Variants in RBM25 observed in about 807,000 individuals in gnomAD.
RBM25 encodes RNA-binding protein 25.
A neutral mutation model predicts 120.7 loss-of-function variants in RBM25; 19 were observed. That is an observed-to-expected ratio of 0.16 (90% confidence interval 0.11 to 0.23). The LOEUF is 0.23. Among genes scored for constraint, RBM25 ranks in the 10% least tolerant of loss-of-function variants. The pLI, the probability that RBM25 is intolerant of heterozygous loss-of-function variation, is 1.00. For synonymous variants in RBM25, 390 were observed against 326.7 expected, an observed-to-expected ratio of 1.19 and a Z score of -2.09; for missense variants, 605 against 1,041.5, an observed-to-expected ratio of 0.58 and a Z score of 5.77.
intron 2 of RBM25, among the ~76,000 whole-genome samples, 179 bp from the exon 3 acceptor site, chr14:73,076,140 A>G (rs562497344): frequency 1.1e-4 from 16 of 152,280 alleles, no homozygotes; most frequent in African/African-American, 3.4e-4. Flanking sequence ...TTGTAAGTTT[A>G]TATGGACCAA....
chr14:73,084,823 T>G (rs1171599904), intron 5 of RBM25, among the ~76,000 whole-genome samples: 1 of 151,952 alleles, frequency 6.6e-6, no homozygotes, highest in Non-Finnish European at 1.5e-5. Flanking sequence ...GTACTGAGAT[T>G]ATAGGCACGA....
intron 9 of RBM25, chr14:73,102,878 A>T (rs1045656807): frequency 1.5e-5 from 4 of 258,148 alleles, no homozygotes; most frequent in African/African-American, 8.9e-5. Context: ...ATTCATAGAA[A>T]ATATTTCGAA....
chr14:73,114,199 A>T (rs1896375322), intron 17 of RBM25, 87 bp from the exon 18 acceptor site: 2 of 930,476 alleles, frequency 2.1e-6, no homozygotes, highest in Non-Finnish European at 3.2e-6. Context: ...TTCCTGTATG[A>T]ATTTGAGGAT....
chr14:73,119,870 TTTTC>T lies in RBM25; in HGVS notation c.*69_*72del. Reference sequence around the variant, plus strand: ...TGCCACCCTTTTAAGGACTTTGAATTTTTCTTTGTCTTTGAAGACATTGTGAGAT... The same window carrying T: ...TGCCACCCTTTTAAGGACTTTGAATTTTTGTCTTTGAAGACATTGTGAGAT... On this transcript the variant is annotated 3_prime_UTR_variant, in exon 19 of 19. Coordinates refer to ENST00000261973, the MANE Select transcript of RBM25 (RefSeq NM_021239.3). 1.3e-6 allele frequency: 2 copies of T among 1,547,460 alleles called. No individual in the cohort carries two copies. The highest frequency in any genetic ancestry group is 1.2e-5 in the South Asian group (1 of 81,468).
At chr14:73,106,384 TTC>T in intron 12 of RBM25, 99 bp downstream of exon 12, 1 of 941,618 alleles carries the variant, frequency 1.1e-6, no homozygotes, top group Non-Finnish European at 1.5e-6. Context: ...ATGCACAAGC[TTC>T]TCTATTCATG....
rs973328112 is a variant in RBM25 at position 73,121,376 on chromosome 14, G to A, written c.*1571G>A. The A allele has an allele frequency of 4.6e-5, 7 of 152,410 alleles. No homozygotes were observed. The highest frequency in any genetic ancestry group is 1.7e-4 in the African/African-American group (7 of 41,378). The allele number at this position is 152,410 out of a possible 1,614,324, so 9.4% of individuals were successfully genotyped here. A position where few individuals can be genotyped will look rare whatever the true frequency, so the allele number is the denominator to read the frequency against. ...AATGGCATCATGTTGTAATTGTGTG[G>A]TGCATACTAGAAAAGTTAAAAATAT... On this transcript the variant is annotated 3_prime_UTR_variant, in exon 19 of 19. Coordinates refer to ENST00000261973, the MANE Select transcript of RBM25 (RefSeq NM_021239.3).
At chr14:73,094,812 TGTG>T (rs1468642193) in intron 6 of RBM25, among the ~76,000 whole-genome samples, 1 of 2,892 alleles carries the variant, frequency 3.5e-4, no homozygotes, top group African/African-American at 1.1e-3. Flanking sequence ...AGGAGCGAGG[TGTG>T]TGTGTGTGTG....
intron 9 of RBM25, 180 bp downstream of exon 9, chr14:73,099,930 C>A (rs916692916): frequency 2.8e-5 from 27 of 975,822 alleles, no homozygotes; most frequent in Non-Finnish European, 3.7e-5. Context: ...TGGTCCTTGA[C>A]ATGTTGTGCT....
At chr14:73,089,761 G>A (rs1448528270) in intron 6 of RBM25, among the ~76,000 whole-genome samples, 2 of 151,288 alleles carry the variant, frequency 1.3e-5, no homozygotes, top group Non-Finnish European at 2.9e-5. Context: ...CCACCTCCCA[G>A]GTTCAAGTGA....
At position 73,071,762 on chromosome 14, in the gene RBM25, A is replaced by G. The variant is rs1895298514; in HGVS notation, c.106+15A>G. ...TGTACCTCCAGGTAAGTTTGTTGAT[A>G]CTGTTTTTTGTCGTTAAACTTGTAC... On this transcript the variant is annotated intron_variant, in intron 2 of 18. Coordinates refer to ENST00000261973, the MANE Select transcript of RBM25 (RefSeq NM_021239.3). 5.1e-6 allele frequency: 8 copies of G among 1,581,354 alleles called. No individual in the cohort carries two copies. The South Asian group carries it at 8.9e-5, about 18-fold the overall frequency.
At chr14:73,093,692 A>G (rs1722954099) in intron 6 of RBM25, among the ~76,000 whole-genome samples, 1 of 150,258 alleles carries the variant, frequency 6.7e-6, no homozygotes, top group Middle Eastern at 3.5e-3. Context: ...ATTTTTAGTA[A>G]AGATGGGTTT....
intron 1 of RBM25, among the ~76,000 whole-genome samples, chr14:73,066,215 C>G (rs912627900): frequency 1.3e-5 from 2 of 152,122 alleles, no homozygotes; most frequent in African/African-American, 2.4e-5. Flanking sequence ...AAAAGTTTTA[C>G]AGAAAGTTTA....
At chr14:73,108,688 T>C (rs1268822713) in intron 13 of RBM25, among the ~76,000 whole-genome samples, 2 of 152,230 alleles carry the variant, frequency 1.3e-5, no homozygotes, top group Non-Finnish European at 2.9e-5. Context: ...AGTGAAGATA[T>C]TTAATATAGT....
At chr14:73,115,402 G>A (rs947500535) in intron 18 of RBM25, among the ~76,000 whole-genome samples, 10 of 152,004 alleles carry the variant, frequency 6.6e-5, no homozygotes, top group African/African-American at 2.2e-4. Context: ...TTTAGCTCCC[G>A]CTTATAAGTG....
intron 6 of RBM25, among the ~76,000 whole-genome samples, chr14:73,088,876 C>T (rs1895746998): frequency 6.6e-6 from 1 of 152,214 alleles, no homozygotes; most frequent in African/African-American, 2.4e-5. Context: ...CACGGTGGCT[C>T]ACGCCTGTAA....
chr14:73,073,176 G>T (rs961008814), intron 2 of RBM25, among the ~76,000 whole-genome samples: 9 of 152,068 alleles, frequency 5.9e-5, no homozygotes, highest in African/African-American at 2.2e-4. Context: ...GTATACTCCT[G>T]CCTCAGCCTT....
rs114413120 is a variant in RBM25, at chr14:73,067,067, A to G, written c.-15-4560A>G. On this transcript the variant is annotated intron_variant, in intron 1 of 18. Transcript: ENST00000261973. ...TGGAGGTAAAGTTTGGATACATATA[A>G]TTTTTTTTTTTTTTTTTTTTGATGT... is the stretch of plus-strand genomic sequence containing the variant. Among the ~76,000 whole-genome samples, 1,040 of 131,196 alleles carry G rather than the reference A, an allele frequency of 7.9e-3. 14 individuals are homozygous for G. The highest frequency in any genetic ancestry group is 0.025 in the African/African-American group (911 of 36,322). The allele number at this position is 131,196 out of a possible 152,430, so 86.1% of individuals were successfully genotyped here.
chr14:73,103,948 T>TCTCTCACACACACACA (rs1594928335), intron 10 of RBM25, among the ~76,000 whole-genome samples: 4 of 91,344 alleles, frequency 4.4e-5, no homozygotes, highest in Non-Finnish European at 7.3e-5. Flanking sequence ...TCTCTCTCTC[T>TCTCTCACACACACACA]CACACACACA....
chr14:73,059,291 C>T (rs978269837), intron 1 of RBM25: 1 of 152,224 alleles, frequency 6.6e-6, no homozygotes, highest in Non-Finnish European at 1.5e-5. Context: ...TAGCAGTCTC[C>T]TGGCTTGCTT....
Sources: gnomAD v4.1 joint callset for allele counts (sites outside exome capture counted in the v4.1 genomes callset) on GRCh38, gnomAD v4.1.1 for gene constraint, MANE v1.5 for transcripts, NCBI Gene and HGNC (gene_info 2026-07-23, HGNC 2026-07-21) for gene names.